Variants in XYLB observed in about 807,000 individuals in gnomAD.
XYLB encodes xylulose kinase.
In XYLB, 62 loss-of-function variants were observed where a neutral mutation model predicts 78.7. That is an observed-to-expected ratio of 0.79 (90% confidence interval 0.64 to 0.97). The LOEUF (loss-of-function observed/expected upper bound fraction) is 0.97. XYLB is among the 50% of genes least tolerant of loss of function. XYLB has a pLI of 0.00. For missense variants in XYLB, 687 were observed against 676.8 expected (o/e 1.02, Z -0.17); for synonymous variants, 245 against 247.4 (o/e 0.99, Z 0.09).
chr3:38,409,808 T>C lies in XYLB; in HGVS notation c.1534-3128T>C, dbSNP rs546050322. 2.4e-4 allele frequency among the ~76,000 whole-genome samples: 37 copies of C among 152,176 alleles called. No individual in the cohort carries two copies. In the South Asian group the frequency reaches 7.7e-3, roughly 32 times the overall value. On this transcript the variant is annotated intron_variant, in intron 18 of 18. Transcript: ENST00000207870. Reference sequence around the variant, plus strand: ...ATTGCTTCAAAGAGAATAAAATACTTAGGAATCCAACTTACAAGGGACATG... The same window carrying C: ...ATTGCTTCAAAGAGAATAAAATACTCAGGAATCCAACTTACAAGGGACATG...
intron 15 of XYLB, among the ~76,000 whole-genome samples, chr3:38,383,276 C>G (rs151617): frequency 0.36 from 54,242 of 152,124 alleles, 11,074 homozygotes; most frequent in Admixed American, 0.49. Context: ...TGAACCAAGC[C>G]AGTCTGGCTC....
chr3:38,365,541 C>G, intron 5 of XYLB, 67 bp from the exon 6 acceptor site: 1 of 1,551,324 alleles, frequency 6.4e-7, no homozygotes, highest in South Asian at 1.2e-5. Flanking sequence ...GTGTGACCGC[C>G]AGCCCTGGGG....
At chr3:38,438,472 C>G in the XYLB span, among the ~76,000 whole-genome samples, 2 of 152,180 alleles carry the variant, frequency 1.3e-5, no homozygotes, top group Non-Finnish European at 2.9e-5. Flanking sequence ...TATCAAAATA[C>G]TAACATCATT....
chr3:38,386,722 C>T (rs1234603708), intron 15 of XYLB, among the ~76,000 whole-genome samples: 1 of 152,066 alleles, frequency 6.6e-6, no homozygotes, highest in African/African-American at 2.4e-5. Context: ...TACGAACATG[C>T]TTGCACTACA....
At chr3:38,411,222 C>G (rs955764231) in intron 18 of XYLB, among the ~76,000 whole-genome samples, 1 of 152,266 alleles carries the variant, frequency 6.6e-6, no homozygotes, top group South Asian at 2.1e-4. Flanking sequence ...GATTTCATGT[C>G]CTTTGTAGGG....
In XYLB at chr3:38,370,822, C is replaced by T. The variant is rs1370210959; in HGVS notation, c.765+648C>T. ...TGCAGTGGACACTGGCTGTGAATGC[C>T]CTGGGGTGTTCTACTTGGCCAGCCC... On this transcript the variant is annotated intron_variant, in intron 9 of 18. Transcript: ENST00000207870. Among the ~76,000 whole-genome samples the T allele has an allele frequency of 2.6e-5, 4 of 152,276 alleles. No individual in the cohort carries two copies. The South Asian group carries it at 6.2e-4, about 24-fold the overall frequency.
chr3:38,409,941 G>A (rs1460417622), intron 18 of XYLB, among the ~76,000 whole-genome samples: 5 of 152,146 alleles, frequency 3.3e-5, no homozygotes, highest in African/African-American at 4.8e-5. Context: ...TCAATATCAC[G>A]AAAATGGCCA....
At position 38,413,202 on chromosome 3, in the gene XYLB, C is replaced by G. The variant is rs924028776; in HGVS notation, c.*189C>G. On this transcript the variant is annotated 3_prime_UTR_variant, in exon 19 of 19. Coordinates refer to ENST00000207870, the MANE Select transcript of XYLB (RefSeq NM_005108.4). ...CATGAAGATAGATAGGCACTCCTGTCCCTGTGCCCGTGTGCCCCAGGGCAG... is the reference window on the plus strand; with the variant it reads ...CATGAAGATAGATAGGCACTCCTGTGCCTGTGCCCGTGTGCCCCAGGGCAG... 4 of 495,758 alleles carry G rather than the reference C, an allele frequency of 8.1e-6. No homozygotes were observed. Among genetic ancestry groups the G allele is most frequent in the Non-Finnish European group, 1.0e-5 (3 of 291,932 alleles). The allele number at this position is 495,758 out of a possible 1,614,324, so 30.7% of individuals were successfully genotyped here.
intron 11 of XYLB, 34 bp from the exon 12 acceptor site, chr3:38,375,110 C>A: frequency 1.3e-6 from 2 of 1,576,936 alleles, no homozygotes; most frequent in Non-Finnish European, 1.7e-6. Context: ...GTGGGCAAAG[C>A]CCAAGGTGCC....
At chr3:38,418,225 A>G (rs1028215564), downstream of XYLB, among the ~76,000 whole-genome samples, 1 of 151,022 alleles carries the variant, frequency 6.6e-6, no homozygotes, top group Non-Finnish European at 1.5e-5. Flanking sequence ...ATATATATAT[A>G]TGTATGTATG....
chr3:38,354,106 C>G (rs1432832094), intron 2 of XYLB, among the ~76,000 whole-genome samples: 1 of 151,852 alleles, frequency 6.6e-6, no homozygotes, highest in Non-Finnish European at 1.5e-5. Context: ...TGGAGTCTCG[C>G]TCTGTCGCCC....
At chr3:38,398,527 C>T (rs1707984430) in intron 17 of XYLB, among the ~76,000 whole-genome samples, 1 of 151,940 alleles carries the variant, frequency 6.6e-6, no homozygotes, top group Non-Finnish European at 1.5e-5. Context: ...CCCCATCTAC[C>T]TCACCCTGCC....
chr3:38,400,473 A>C (rs1708075696), intron 17 of XYLB, among the ~76,000 whole-genome samples: 1 of 152,102 alleles, frequency 6.6e-6, no homozygotes, highest in Non-Finnish European at 1.5e-5. Context: ...CATACAGTGA[A>C]AAGGCTCTGA....
chr3:38,365,759 G>A (rs998729129), intron 6 of XYLB, 23 bp downstream of exon 6: 8 of 1,600,530 alleles, frequency 5.0e-6, no homozygotes, highest in South Asian at 2.2e-5. Context: ...TGCGGGGGGT[G>A]CAGGGGGTGG....
At chr3:38,418,380 A>G (rs1278617149), downstream of XYLB, among the ~76,000 whole-genome samples, 1 of 152,132 alleles carries the variant, frequency 6.6e-6, no homozygotes, top group African/African-American at 2.4e-5. Context: ...TAGGAGTGCA[A>G]TTTTGTGAAA....
At chr3:38,359,766 A>G (rs1196738654) in intron 2 of XYLB, among the ~76,000 whole-genome samples, 1 of 152,206 alleles carries the variant, frequency 6.6e-6, no homozygotes, top group Non-Finnish European at 1.5e-5. Flanking sequence ...GAATGGCTAG[A>G]TCACATGGTT....
chr3:38,411,990 T>G (rs534615257), intron 18 of XYLB, among the ~76,000 whole-genome samples: 3 of 151,852 alleles, frequency 2.0e-5, no homozygotes, highest in African/African-American at 7.2e-5. Flanking sequence ...AACTCTTTTT[T>G]TTTTTTTTTC....
chr3:38,439,210 G>A, the XYLB span, among the ~76,000 whole-genome samples: 3 of 152,190 alleles, frequency 2.0e-5, no homozygotes, highest in South Asian at 2.1e-4. Context: ...TGCAGTGGTA[G>A]TGTCCTCCAG....
chr3:38,405,249 T>C (rs1708264697), intron 18 of XYLB, among the ~76,000 whole-genome samples: 1 of 151,740 alleles, frequency 6.6e-6, no homozygotes, highest in African/African-American at 2.4e-5. Context: ...ATATTCTATC[T>C]GGGTAGACCA....
Sources: gnomAD v4.1 joint callset for allele counts (sites outside exome capture counted in the v4.1 genomes callset) on GRCh38, gnomAD v4.1.1 for gene constraint, MANE v1.5 for transcripts, NCBI Gene and HGNC (gene_info 2026-07-23, HGNC 2026-07-21) for gene names.